The following DAB1 variants were observed in gnomAD, a reference collection of about 807,000 sequenced individuals.
DAB1 encodes disabled homolog 1.
Under a neutral mutation model 64.6 loss-of-function variants are expected in DAB1, and 15 were observed. The observed-to-expected ratio is 0.23, with a 90% CI of 0.16 to 0.36. The LOEUF is 0.36. DAB1 is among the 10% of genes least tolerant of loss of function. DAB1 has a pLI of 1.00. For synonymous variants in DAB1, 235 were observed against 251.9 expected (o/e 0.93, Z 0.64); for missense variants, 596 against 706.7 (o/e 0.84, Z 1.78).
At chr1:57,263,220 A>G (rs1670329807) in intron 2 of DAB1, among the ~76,000 whole-genome samples, 1 of 151,688 alleles carries the variant, frequency 6.6e-6, no homozygotes, top group African/African-American at 2.4e-5. Context: ...GGTTCAAGCG[A>G]TTCTCCTGCC....
intron 1 of DAB1, among the ~76,000 whole-genome samples, chr1:57,398,221 T>A (rs269055): frequency 0.039 from 5,885 of 152,292 alleles, 356 homozygotes; most frequent in African/African-American, 0.13. Context: ...ACTGTCAGTG[T>A]GCTTGGGACA....
intron 1 of DAB1, among the ~76,000 whole-genome samples, chr1:57,331,836 A>G (rs1676696820): frequency 6.6e-6 from 1 of 152,244 alleles, no homozygotes; most frequent in African/African-American, 2.4e-5. Flanking sequence ...CTTTGAGCTC[A>G]TAAAGAACAA....
intron 1 of DAB1, among the ~76,000 whole-genome samples, chr1:57,828,008 C>CAG (rs1652430450): frequency 6.6e-6 from 1 of 152,090 alleles, no homozygotes; most frequent in Admixed American, 6.5e-5. Context: ...TGCAGTGGTG[C>CAG]GATCTCGGCT....
intron 2 of DAB1, among the ~76,000 whole-genome samples, chr1:57,148,688 T>A (rs1659378884): frequency 6.6e-6 from 1 of 152,230 alleles, no homozygotes; most frequent in Non-Finnish European, 1.5e-5. Context: ...TATTGAGTTT[T>A]TAGTACAGTT....
intron 2 of DAB1, among the ~76,000 whole-genome samples, chr1:57,248,286 G>T (rs1399451938): frequency 1.3e-5 from 2 of 151,354 alleles, no homozygotes; most frequent in Admixed American, 6.6e-5. Flanking sequence ...TCAATCCATG[G>T]TTGGTTGAAC....
intron 3 of DAB1, among the ~76,000 whole-genome samples, chr1:58,343,946 T>C (rs1429866275): frequency 6.6e-6 from 1 of 152,206 alleles, no homozygotes; most frequent in Non-Finnish European, 1.5e-5. Flanking sequence ...TGCTGACTTG[T>C]AGTGCAGACC....
intron 7 of DAB1, among the ~76,000 whole-genome samples, chr1:57,557,581 A>C (rs900864800): frequency 3.3e-5 from 5 of 152,120 alleles, no homozygotes; most frequent in Non-Finnish European, 4.4e-5. Context: ...GAGTTCTTTC[A>C]TTGGTTTTGG....
intron 4 of DAB1, among the ~76,000 whole-genome samples, chr1:58,195,738 A>G (rs1657639920): frequency 6.6e-6 from 1 of 152,254 alleles, no homozygotes; most frequent in African/African-American, 2.4e-5. Flanking sequence ...AAAGTGCAAC[A>G]CATATGGAAT....
intron 4 of DAB1, among the ~76,000 whole-genome samples, chr1:58,256,434 AAAG>A (rs1013195235): frequency 6.6e-6 from 1 of 152,204 alleles, no homozygotes; most frequent in African/African-American, 2.4e-5. Context: ...AGAACTAAGA[AAAG>A]AAGGAGAAGA....
At chr1:57,358,724 A>G (rs925218068) in intron 1 of DAB1, among the ~76,000 whole-genome samples, 9 of 152,136 alleles carry the variant, frequency 5.9e-5, no homozygotes, top group Non-Finnish European at 1.3e-4. Flanking sequence ...CTGACTTCAA[A>G]ATATACTACA....
chr1:57,797,459 A>T (rs1650927301), intron 6 of DAB1, among the ~76,000 whole-genome samples: 1 of 152,244 alleles, frequency 6.6e-6, no homozygotes, highest in Non-Finnish European at 1.5e-5. Flanking sequence ...CTTCTATAAC[A>T]CATTTAATCT....
intron 14 of DAB1, among the ~76,000 whole-genome samples, chr1:57,005,239 G>C (rs1646024769): frequency 1.3e-5 from 2 of 152,134 alleles, no homozygotes; most frequent in African/African-American, 4.8e-5. Context: ...TAACAACAAT[G>C]ATGGGCATCA....
At chr1:58,416,012 C>T (rs1236308134) in intron 3 of DAB1, among the ~76,000 whole-genome samples, 1 of 152,186 alleles carries the variant, frequency 6.6e-6, no homozygotes, top group African/African-American at 2.4e-5. Flanking sequence ...TGTCAATAAG[C>T]AATACCTTCT....
At chr1:57,026,339 A>G (rs1028606211) in intron 9 of DAB1, among the ~76,000 whole-genome samples, 2 of 152,172 alleles carry the variant, frequency 1.3e-5, no homozygotes, top group Non-Finnish European at 2.9e-5. Context: ...TTACCATCAA[A>G]TGCCAGCAAT....
chr1:57,968,337 G>A (rs1645718499), intron 5 of DAB1, among the ~76,000 whole-genome samples: 1 of 152,106 alleles, frequency 6.6e-6, no homozygotes, highest in Non-Finnish European at 1.5e-5. Context: ...GAACCGCAGG[G>A]CTAAGTGGCA....
intron 4 of DAB1, among the ~76,000 whole-genome samples, chr1:58,322,137 C>T (rs1049059011): frequency 6.6e-6 from 1 of 152,150 alleles, no homozygotes; most frequent in African/African-American, 2.4e-5. Flanking sequence ...CATAAAAACC[C>T]TAGAAGAAAA....
Position 57,391,766 on chromosome 1 carries a change from A to AACACACACAC in DAB1, c.-137+32154_-137+32163dup, listed in dbSNP as rs57332880. Among the ~76,000 whole-genome samples, 79 of 94,648 alleles carry AACACACACAC rather than the reference A, an allele frequency of 8.3e-4. 1 individual carries two copies. The highest frequency in any genetic ancestry group is 6.5e-3 in the South Asian group (23 of 3,562). 62.1% of individuals were successfully genotyped at this position (94,648 alleles called of 152,430 possible). On this transcript the variant is annotated intron_variant, in intron 1 of 14. Coordinates refer to ENST00000371236, the MANE Select transcript of DAB1 (RefSeq NM_001365792.1). ...TGGTCTTTTTAAAGGCAGAGGAATA[A>AACACACACAC]ACACACACACACACACACACACACA...
chr1:58,535,443 A>C (rs6587828), intron 1 of DAB1, among the ~76,000 whole-genome samples: 96,559 of 151,750 alleles, frequency 0.64, 32,412 homozygotes, highest in East Asian at 0.82. Context: ...TAAAAATACA[A>C]AAATTGGCCA....
intron 2 of DAB1, among the ~76,000 whole-genome samples, chr1:57,247,542 G>A (rs1323724991): frequency 6.6e-6 from 1 of 152,126 alleles, no homozygotes; most frequent in Admixed American, 6.5e-5. Context: ...ACTAATATAA[G>A]CTCCTATATT....
Sources: allele counts gnomAD v4.1 joint callset (sites outside exome capture counted in the v4.1 genomes callset), GRCh38; gene constraint gnomAD v4.1.1; transcripts MANE v1.5; gene names NCBI Gene and HGNC (gene_info 2026-07-23, HGNC 2026-07-21).